The following ADK variants were observed in gnomAD, a reference collection of about 807,000 sequenced individuals.
ADK encodes adenosine kinase.
A neutral mutation model predicts 44.7 loss-of-function variants in ADK; 24 were observed. The observed-to-expected ratio is 0.54, with a 90% CI of 0.39 to 0.76. The LOEUF is 0.76. ADK is among the 30% of genes least tolerant of loss of function. The pLI is 0.00. For synonymous variants in ADK, 128 were observed against 142.6 expected, an observed-to-expected ratio of 0.90 and a Z score of 0.73; for missense variants, 321 against 425.1, an observed-to-expected ratio of 0.76 and a Z score of 2.15.
intron 6 of ADK, among the ~76,000 whole-genome samples, chr10:74,492,960 A>G (rs1373869807): frequency 6.6e-6 from 1 of 152,112 alleles, no homozygotes; most frequent in Non-Finnish European, 1.5e-5. Context: ...ATTTCTCATT[A>G]CATGTTCACA....
intron 10 of ADK, among the ~76,000 whole-genome samples, chr10:74,679,221 G>T (rs1004831868): frequency 6.6e-6 from 1 of 152,150 alleles, no homozygotes; most frequent in Non-Finnish European, 1.5e-5. Flanking sequence ...AGCCAAAGTG[G>T]TTTTATAAAC....
chr10:74,413,209 TGA>T, intron 6 of ADK, among the ~76,000 whole-genome samples: 1 of 152,026 alleles, frequency 6.6e-6, no homozygotes, highest in African/African-American at 2.4e-5. Context: ...TGACTTCAAC[TGA>T]AAGTCACCAG....
chr10:74,444,453 G>A (rs1784965493), intron 6 of ADK, among the ~76,000 whole-genome samples: 1 of 152,050 alleles, frequency 6.6e-6, no homozygotes, highest in South Asian at 2.1e-4. Context: ...TCTTGAAAGA[G>A]TAAATATCTT....
intron 10 of ADK, among the ~76,000 whole-genome samples, chr10:74,681,049 T>A (rs1295586561): frequency 6.6e-6 from 1 of 152,218 alleles, no homozygotes; most frequent in African/African-American, 2.4e-5. Flanking sequence ...AACAAAATGA[T>A]CCTTCTTATG....
chr10:74,646,423 G>A (rs1854057225), intron 9 of ADK, among the ~76,000 whole-genome samples: 1 of 152,146 alleles, frequency 6.6e-6, no homozygotes, highest in Non-Finnish European at 1.5e-5. Context: ...TGAGTAATTC[G>A]ATGTTTGCTT....
chr10:74,235,330 A>AT (rs1025961248), intron 3 of ADK, among the ~76,000 whole-genome samples: 3 of 151,930 alleles, frequency 2.0e-5, no homozygotes, highest in Admixed American at 6.6e-5. Context: ...GTTTAAAAAA[A>AT]TTTTCCTTTT....
chr10:74,566,201 C>CTCTTT (rs1554881966), intron 7 of ADK, among the ~76,000 whole-genome samples: 1 of 114,024 alleles, frequency 8.8e-6, no homozygotes, highest in African/African-American at 4.1e-5. Flanking sequence ...CTCTCTCTCT[C>CTCTTT]TTTTTTTTTT....
chr10:74,423,589 T>G (rs1462960009), intron 6 of ADK: 1 of 270,624 alleles, frequency 3.7e-6, no homozygotes, highest in Admixed American at 4.3e-5. Flanking sequence ...TCTTTACTGA[T>G]GTCTCCATAG....
chr10:74,527,230 G>C (rs908597036), intron 7 of ADK, among the ~76,000 whole-genome samples: 2 of 152,062 alleles, frequency 1.3e-5, no homozygotes, highest in African/African-American at 4.8e-5. Flanking sequence ...GCGTGGTGGC[G>C]AGTGCCTGTA....
chr10:74,247,430 G>A (rs937600748), intron 3 of ADK, among the ~76,000 whole-genome samples: 4 of 151,310 alleles, frequency 2.6e-5, no homozygotes, highest in African/African-American at 9.7e-5. Flanking sequence ...GTAGAGAAGG[G>A]TATTTTTTGT....
At chr10:74,553,021 T>C (rs1456879035) in intron 7 of ADK, among the ~76,000 whole-genome samples, 1 of 149,732 alleles carries the variant, frequency 6.7e-6, no homozygotes, top group African/African-American at 2.5e-5. Context: ...GTATGGTAGT[T>C]TTTTATTTTT....
intron 1 of ADK, among the ~76,000 whole-genome samples, chr10:74,186,202 C>CTTCCT (rs1430904152): frequency 1.2e-3 from 166 of 137,240 alleles, no homozygotes; most frequent in African/African-American, 4.1e-3. Flanking sequence ...CTTCCCTTCC[C>CTTCCT]TTCCCTTCCC....
chr10:74,337,923 G>T (rs1841462162), intron 4 of ADK, among the ~76,000 whole-genome samples: 1 of 151,846 alleles, frequency 6.6e-6, no homozygotes, highest in Non-Finnish European at 1.5e-5. Flanking sequence ...CCACCACGCT[G>T]GGCTACAAAT....
chr10:74,346,892 C>T (rs947273703), intron 4 of ADK, among the ~76,000 whole-genome samples: 2 of 151,756 alleles, frequency 1.3e-5, no homozygotes, highest in Middle Eastern at 3.2e-3. Flanking sequence ...AGGTGGATCA[C>T]GAGGTCAGGA....
At chr10:74,275,723 A>G (rs1321187422) in intron 3 of ADK, among the ~76,000 whole-genome samples, 1 of 151,742 alleles carries the variant, frequency 6.6e-6, no homozygotes, top group African/African-American at 2.4e-5. Context: ...CAGTGGCACA[A>G]TCTTGGCTTA....
chr10:74,625,715 T>C (rs1853170976), intron 9 of ADK, among the ~76,000 whole-genome samples: 1 of 152,058 alleles, frequency 6.6e-6, no homozygotes, highest in Admixed American at 6.6e-5. Context: ...AGAAAAATTG[T>C]AGAGAAAAAT....
chr10:74,569,031 G>A (rs1430857274), intron 7 of ADK, among the ~76,000 whole-genome samples: 2 of 151,024 alleles, frequency 1.3e-5, no homozygotes, highest in African/African-American at 2.4e-5. Flanking sequence ...GCATTGTTTG[G>A]CTTTTTGTCC....
At chr10:74,274,732 G>GTATATATGTATATATATATATATA (rs1846594878) in intron 3 of ADK, among the ~76,000 whole-genome samples, 1 of 84,170 alleles carries the variant, frequency 1.2e-5, no homozygotes, top group East Asian at 2.7e-4. Context: ...TTTAATGTGT[G>GTATATATGTATATATATATATATA]TATATATATA....
intron 4 of ADK, among the ~76,000 whole-genome samples, chr10:74,369,858 G>A (rs1210860735): frequency 3.3e-5 from 5 of 152,156 alleles, no homozygotes; most frequent in Non-Finnish European, 7.4e-5. Flanking sequence ...TTATACTTCA[G>A]TGATATGATC....
Sources: gnomAD v4.1 joint callset for allele counts (sites outside exome capture counted in the v4.1 genomes callset) on GRCh38, gnomAD v4.1.1 for gene constraint, MANE v1.5 for transcripts, NCBI Gene and HGNC (gene_info 2026-07-23, HGNC 2026-07-21) for gene names.